The following POLG2 variants were observed in gnomAD, a reference collection of about 807,000 sequenced individuals.
The protein encoded by POLG2 is DNA polymerase gamma 2, accessory subunit.
POLG2 carries 50 observed loss-of-function variants against 56.5 expected under a neutral mutation model. That is an observed-to-expected ratio of 0.88 (90% CI 0.71 to 1.12). The LOEUF (loss-of-function observed/expected upper bound fraction) is 1.12, where lower values mean the gene tolerates loss of function less well. Ranked by LOEUF, POLG2 falls within the 50% of genes most tolerant of loss-of-function variation. The pLI, the probability that POLG2 is intolerant of heterozygous loss-of-function variation, is 0.00. For synonymous variants in POLG2, 226 were observed against 222.6 expected (o/e 1.02, Z -0.14); for missense variants, 584 against 583.3 (o/e 1.00, Z -0.01).
chr17:64,487,758 T>C (rs1459132475), intron 4 of POLG2, among the ~76,000 whole-genome samples: 3 of 152,214 alleles, frequency 2.0e-5, no homozygotes, highest in African/African-American at 7.2e-5. Flanking sequence ...TCCTAGCACT[T>C]TGGGAGGCCA....
At chr17:64,482,399 G>A (rs2037876927) in intron 6 of POLG2, among the ~76,000 whole-genome samples, 2 of 149,566 alleles carry the variant, frequency 1.3e-5, no homozygotes, top group South Asian at 4.2e-4. Flanking sequence ...TCAGCTCACT[G>A]CAACCTCTGC....
At chr17:64,488,998 C>T (rs925452496) in intron 4 of POLG2, among the ~76,000 whole-genome samples, 1 of 150,736 alleles carries the variant, frequency 6.6e-6, no homozygotes, top group African/African-American at 2.4e-5. Flanking sequence ...ATATAAACTC[C>T]TATGTTTTTG....
intron 6 of POLG2, chr17:64,481,280 TCTC>T (rs1598120050): frequency 1.4e-5 from 14 of 985,246 alleles, no homozygotes; most frequent in East Asian, 1.1e-4. Context: ...GCCATTATCT[TCTC>T]CTTCTTTGAG....
At chr17:64,478,046 C>T (rs2037796579) in intron 7 of POLG2, 58 bp from the exon 8 acceptor site, 2 of 1,566,610 alleles carry the variant, frequency 1.3e-6, no homozygotes, top group African/African-American at 2.7e-5. Context: ...TAAATTCCTC[C>T]ACGTTGCCAG....
At position 64,477,998 on chromosome 17, in the gene POLG2, A is replaced by T. The variant is rs376004281; in HGVS notation, c.1293-10T>A. On this transcript the variant is annotated splice_polypyrimidine_tract_variant and intron_variant, in intron 7 of 7. Coordinates refer to ENST00000539111, the MANE Select transcript of POLG2 (RefSeq NM_007215.4). ...ACTCATTTCATCATACCTAAGAAAA[A>T]AGTAGTTAAACAGACACATGAGCAC... 6 of 1,613,282 alleles carry T rather than the reference A, an allele frequency of 3.7e-6. No individual in the cohort carries two copies. Among genetic ancestry groups the T allele is most frequent in the Non-Finnish European group, 3.4e-6 (4 of 1,179,416 alleles).
At chr17:64,494,024 T>C (rs1008788326) in intron 1 of POLG2, among the ~76,000 whole-genome samples, 12 of 152,248 alleles carry the variant, frequency 7.9e-5, no homozygotes. Flanking sequence ...GGTGATATTT[T>C]AGTTGTTCCA....
chr17:64,483,221 G>T (rs957766282), intron 5 of POLG2, among the ~76,000 whole-genome samples: 4 of 152,112 alleles, frequency 2.6e-5, no homozygotes. Flanking sequence ...TTGGCAGAAA[G>T]AAATTAATTT....
At chr17:64,480,708 A>G (rs1370590523) in intron 6 of POLG2, among the ~76,000 whole-genome samples, 1 of 152,218 alleles carries the variant, frequency 6.6e-6, no homozygotes, top group African/African-American at 2.4e-5. Flanking sequence ...TTCTGTCAGA[A>G]AAAAACCAGG....
chr17:64,493,202 G>T (rs1289213509), intron 1 of POLG2, among the ~76,000 whole-genome samples, 181 bp from the exon 2 acceptor site: 2 of 152,144 alleles, frequency 1.3e-5, no homozygotes, highest in Non-Finnish European at 2.9e-5. Context: ...CAGATTGCTT[G>T]AGCTCAGGAG....
chr17:64,496,365 CCACCCGA>C (rs1555669486), intron 1 of POLG2, 35 bp downstream of exon 1: 1 of 1,354,692 alleles, frequency 7.4e-7, no homozygotes, highest in Non-Finnish European at 1.0e-6. Flanking sequence ...CCTCGCCTTT[CCACCCGA>C]CACCTGTTTT....
intron 7 of POLG2, among the ~76,000 whole-genome samples, chr17:64,478,812 G>A (rs555973196): frequency 3.7e-4 from 56 of 152,102 alleles, no homozygotes; most frequent in Non-Finnish European, 6.8e-4. Context: ...CAGGAGAATC[G>A]CTTGAACACG....
chr17:64,491,513 A>G (rs943516064), intron 3 of POLG2: 56 of 1,514,774 alleles, frequency 3.7e-5, no homozygotes, highest in Middle Eastern at 2.4e-4. Flanking sequence ...ATGTCTCTAA[A>G]AAAACCAAGA....
intron 3 of POLG2, 136 bp from the exon 4 acceptor site, chr17:64,491,105 CAAATTTT>C: frequency 1.4e-6 from 1 of 718,612 alleles, no homozygotes; most frequent in Non-Finnish European, 2.4e-6. Context: ...GTCCCGAATA[CAAATTTT>C]AAAGTTTATT....
chr17:64,488,490 C>T (rs1288665017), intron 4 of POLG2, among the ~76,000 whole-genome samples: 1 of 152,034 alleles, frequency 6.6e-6, no homozygotes, highest in Non-Finnish European at 1.5e-5. Context: ...ACAGCTTGAG[C>T]CCAGGAATTC....
chr17:64,480,417 A>C, intron 6 of POLG2, 28 bp from the exon 7 acceptor site: 1 of 1,089,386 alleles, frequency 9.2e-7, no homozygotes, highest in Non-Finnish European at 1.4e-6. Flanking sequence ...AACTTCAAAT[A>C]TGAAAGAAAT....
intron 1 of POLG2, among the ~76,000 whole-genome samples, chr17:64,494,746 T>G (rs1190314745): frequency 6.6e-6 from 1 of 151,282 alleles, no homozygotes; most frequent in Non-Finnish European, 1.5e-5. Context: ...TCTGTGACCT[T>G]TTTATATGAC....
At chr17:64,487,900 A>G (rs1247034876) in intron 4 of POLG2, among the ~76,000 whole-genome samples, 2 of 152,206 alleles carry the variant, frequency 1.3e-5, no homozygotes, top group East Asian at 3.9e-4. Flanking sequence ...GATATCCAAC[A>G]ATGTCAGGAT....
intron 4 of POLG2, among the ~76,000 whole-genome samples, chr17:64,489,652 T>G (rs2038022221): frequency 6.6e-6 from 1 of 152,008 alleles, no homozygotes; most frequent in African/African-American, 2.4e-5. Flanking sequence ...CCTAGCTACT[T>G]GGGAGGCTGA....
Position 64,492,665 on chromosome 17 carries a change from A to T in POLG2, c.795+2T>A. ...TTAAATTAAAGGTAATTATTGCAGT[A>T]CCTTTCTCCACCACTGGAGTCGATG... is the stretch of plus-strand genomic sequence containing the variant. On this transcript the variant is annotated splice_donor_variant, in intron 3 of 7. Coordinates refer to ENST00000539111, the MANE Select transcript of POLG2 (RefSeq NM_007215.4). LOFTEE classifies it high-confidence loss of function. The T allele has an allele frequency of 1.3e-6, 2 of 1,572,312 alleles. No individual in the cohort carries two copies. Among genetic ancestry groups the T allele is most frequent in the Non-Finnish European group, 1.7e-6 (2 of 1,143,394 alleles).
Sources: allele counts gnomAD v4.1 joint callset (sites outside exome capture counted in the v4.1 genomes callset), GRCh38; gene constraint gnomAD v4.1.1; transcripts MANE v1.5; gene names NCBI Gene and HGNC (gene_info 2026-07-23, HGNC 2026-07-21).